Variants in IARS2 observed in about 807,000 individuals in gnomAD.
IARS2 encodes isoleucyl-tRNA synthetase 2, mitochondrial.
Under a neutral mutation model 126.3 loss-of-function variants are expected in IARS2, and 56 were observed. The observed-to-expected ratio is 0.44, with a 90% CI of 0.36 to 0.55. The LOEUF (loss-of-function observed/expected upper bound fraction) is 0.55. IARS2 is among the 20% of genes least tolerant of loss of function. The pLI is 0.00. For missense variants in IARS2, 1,127 were observed against 1,245.9 expected (o/e 0.90, Z 1.44); for synonymous variants, 407 against 441.1 (o/e 0.92, Z 0.97).
At chr1:220,100,423 T>C in intron 2 of IARS2, 67 bp from the exon 3 acceptor site, 1 of 1,274,088 alleles carries the variant, frequency 7.8e-7, no homozygotes, top group South Asian at 1.6e-5. Context: ...ATTTTATCTT[T>C]GCAGATTTTG....
At chr1:220,145,056 AT>A (rs994113536) in intron 21 of IARS2, among the ~76,000 whole-genome samples, 2 of 150,774 alleles carry the variant, frequency 1.3e-5, no homozygotes, top group African/African-American at 4.9e-5. Flanking sequence ...TTGAGATAGT[AT>A]TTTAGCCCCT....
chr1:220,113,867 G>A (rs992219988), intron 11 of IARS2, among the ~76,000 whole-genome samples: 1 of 152,030 alleles, frequency 6.6e-6, no homozygotes, highest in African/African-American at 2.4e-5. Flanking sequence ...TAGGTATATC[G>A]CAATCTTTTT....
chr1:220,105,750 A>G (rs1278212765), intron 8 of IARS2, 141 bp from the exon 9 acceptor site: 1 of 659,614 alleles, frequency 1.5e-6, no homozygotes, highest in Admixed American at 2.7e-5. Flanking sequence ...TCACAGAACA[A>G]GTTAAAGGGG....
In IARS2 at chr1:220,114,570, A is replaced by G. The variant is rs533586486; in HGVS notation, c.1640+96A>G. ...GTGGATGATTAAGAACCGTTTATAT[A>G]TGTTAAATAAAATATGCTAAAATAG... On this transcript the variant is annotated intron_variant, in intron 12 of 22. Transcript: ENST00000366922. 4 of 889,090 alleles carry G rather than the reference A, an allele frequency of 4.5e-6. 1 individual carries two copies. The South Asian group carries it at 7.2e-5, about 16-fold the overall frequency. The allele number at this position is 889,090 out of a possible 1,614,324, so 55.1% of individuals were successfully genotyped here.
chr1:220,105,391 T>A (rs577623476), intron 8 of IARS2, among the ~76,000 whole-genome samples: 1 of 152,360 alleles, frequency 6.6e-6, no homozygotes, highest in Non-Finnish European at 1.5e-5. Context: ...AAATTCTTAC[T>A]ATCAGATAAT....
intron 12 of IARS2, among the ~76,000 whole-genome samples, chr1:220,116,320 A>G (rs184444888): frequency 1.3e-5 from 2 of 152,248 alleles, no homozygotes; most frequent in African/African-American, 4.8e-5. Flanking sequence ...TTTTAATGAG[A>G]TAATAGTCTA....
Position 220,102,268 on chromosome 1 carries a change from G to C in IARS2, c.690G>C (p.Met230Ile). 1 of 1,606,892 alleles carries C rather than the reference G, an allele frequency of 6.2e-7. No homozygotes were observed. Among genetic ancestry groups the C allele is most frequent in the African/African-American group, 1.3e-5 (1 of 74,396 alleles). Residue 230 changes from methionine to isoleucine, a missense_variant, in exon 4 of 23, where the codon ATG becomes ATC. Met to Ile is a conservative substitution (Grantham distance 10). Transcript: ENST00000366922. ...EAKQLRTFYQ[M>I]YDKGLVYRSY... ...AACAGTTGAGAACTTTTTACCAAAT[G>C]TATGATAAGGTAAAGAAGTATTTTT...
chr1:220,143,336 TA>T (rs776345609), intron 21 of IARS2: 61 of 358,610 alleles, frequency 1.7e-4, no homozygotes, highest in East Asian at 8.1e-4. Context: ...CATGCACATT[TA>T]AAAAAAAGTG....
chr1:220,099,586 G>T (rs528361926), intron 2 of IARS2, among the ~76,000 whole-genome samples: 1 of 152,156 alleles, frequency 6.6e-6, no homozygotes. Context: ...ATAGACTAGT[G>T]CCAGAAACCA....
chr1:220,100,439 C>T (rs1656547664), intron 2 of IARS2, 51 bp from the exon 3 acceptor site: 3 of 1,398,610 alleles, frequency 2.1e-6, no homozygotes, highest in Admixed American at 2.2e-5. Flanking sequence ...TTTTGAAATA[C>T]ATGGCCAAAT....
chr1:220,131,109 A>G (rs947165755), intron 14 of IARS2, among the ~76,000 whole-genome samples: 13 of 152,092 alleles, frequency 8.5e-5, no homozygotes, highest in African/African-American at 3.1e-4. Context: ...TGAATTTTCC[A>G]TATGAATTTT....
chr1:220,130,172 C>G (rs1417080502), intron 14 of IARS2, among the ~76,000 whole-genome samples: 1 of 152,174 alleles, frequency 6.6e-6, no homozygotes, highest in Admixed American at 6.5e-5. Context: ...TGAGAAATGT[C>G]TGTTCAGACC....
At chr1:220,111,369 T>A (rs531422191) in intron 11 of IARS2, among the ~76,000 whole-genome samples, 12 of 152,284 alleles carry the variant, frequency 7.9e-5, no homozygotes, top group African/African-American at 2.6e-4. Flanking sequence ...AAAACTTTTT[T>A]AAACCCTTTG....
At chr1:220,118,065 G>T in intron 12 of IARS2, 1 of 433,560 alleles carries the variant, frequency 2.3e-6, no homozygotes, top group South Asian at 1.8e-5. Context: ...TATAAAACAG[G>T]CTGAAAATCT....
At chr1:220,103,238 G>A (rs915040685) in intron 7 of IARS2, among the ~76,000 whole-genome samples, 13 of 151,956 alleles carry the variant, frequency 8.6e-5, no homozygotes, top group Non-Finnish European at 1.9e-4. Flanking sequence ...AGTAGAGATG[G>A]GGTTTCTCTA....
At chr1:220,133,689 A>C (rs1657313386) in intron 14 of IARS2, among the ~76,000 whole-genome samples, 1 of 152,226 alleles carries the variant, frequency 6.6e-6, no homozygotes, top group African/African-American at 2.4e-5. Flanking sequence ...GTCATAAAGT[A>C]TCATGAAGAA....
intron 14 of IARS2, among the ~76,000 whole-genome samples, chr1:220,132,018 G>A (rs546305643): frequency 4.6e-5 from 7 of 151,700 alleles, no homozygotes; most frequent in East Asian, 3.9e-4. Context: ...GGATGGTCTC[G>A]ATCTCCTGAC....
intron 10 of IARS2, among the ~76,000 whole-genome samples, chr1:220,109,171 C>T (rs187137915): frequency 2.7e-3 from 404 of 152,064 alleles, no homozygotes; most frequent in African/African-American, 9.1e-3. Flanking sequence ...GAGGCTGAAG[C>T]GGACATATCA....
intron 19 of IARS2, 73 bp downstream of exon 19, chr1:220,140,362 T>C: frequency 3.2e-6 from 3 of 928,034 alleles, no homozygotes; most frequent in East Asian, 2.5e-5. Flanking sequence ...TCCCAGCACT[T>C]TGGGAGGCCG....
Sources: gnomAD v4.1 joint callset for allele counts (sites outside exome capture counted in the v4.1 genomes callset) on GRCh38, gnomAD v4.1.1 for gene constraint, MANE v1.5 for transcripts, NCBI Gene and HGNC (gene_info 2026-07-23, HGNC 2026-07-21) for gene names.